CES5A: variants seen among roughly 807,000 people sequenced by gnomAD.
The protein encoded by CES5A is carboxylesterase 5A, also known as carboxylesterase 5.
Under a neutral mutation model 62.9 loss-of-function variants are expected in CES5A, and 67 were observed. That is an observed-to-expected ratio of 1.07 (90% CI 0.88 to 1.31). The LOEUF (loss-of-function observed/expected upper bound fraction) is 1.31. Among genes scored for constraint, CES5A ranks in the 50% most tolerant of loss-of-function variants. The pLI is 0.00. For missense variants in CES5A, 748 were observed against 708.5 expected, an observed-to-expected ratio of 1.06 and a Z score of -0.63; for synonymous variants, 296 against 280.8, an observed-to-expected ratio of 1.05 and a Z score of -0.54.
intron 10 of CES5A, among the ~76,000 whole-genome samples, chr16:55,850,663 T>C (rs1185881038): frequency 3.3e-5 from 5 of 152,242 alleles, no homozygotes; most frequent in African/African-American, 9.6e-5. Flanking sequence ...TTTTGACCTA[T>C]AATGAACAAG....
At chr16:55,881,922 A>G (rs907117454) in intron 1 of CES5A, among the ~76,000 whole-genome samples, 1 of 152,212 alleles carries the variant, frequency 6.6e-6, no homozygotes, top group Non-Finnish European at 1.5e-5. Context: ...GGGCAAAAAA[A>G]CCAGAGTGGC....
intron 2 of CES5A, among the ~76,000 whole-genome samples, chr16:55,949,150 A>G (rs894216758): frequency 9.9e-5 from 15 of 152,202 alleles, no homozygotes; most frequent in African/African-American, 3.4e-4. Context: ...CACAGGAAGC[A>G]GACCCTGAGA....
chr16:55,891,315 A>C (rs1027069681), intron 1 of CES5A, among the ~76,000 whole-genome samples: 1 of 152,334 alleles, frequency 6.6e-6, no homozygotes, highest in Admixed American at 6.5e-5. Flanking sequence ...CTTCTATAGA[A>C]ATAAATTGCC....
At chr16:55,901,003 C>G (rs1313107313) in intron 1 of CES5A, among the ~76,000 whole-genome samples, 2 of 152,144 alleles carry the variant, frequency 1.3e-5, no homozygotes, top group African/African-American at 4.8e-5. Flanking sequence ...CATACCTAGG[C>G]CAGGGGCCTC....
At chr16:55,953,173 A>C (rs1047808291) in intron 1 of CES5A, among the ~76,000 whole-genome samples, 1 of 152,248 alleles carries the variant, frequency 6.6e-6, no homozygotes, top group African/African-American at 2.4e-5. Context: ...ATTTCTGATT[A>C]AAACAACAAA....
rs556096429 is a variant in CES5A, at chr16:55,922,416, A to G, written c.-256+2907T>C. 5.3e-5 allele frequency among the ~76,000 whole-genome samples: 8 copies of G among 152,036 alleles called. No homozygotes were observed. In the South Asian group the frequency reaches 1.5e-3, roughly 28 times the overall value. On this transcript the variant is annotated intron_variant, in intron 1 of 12. Coordinates refer to the CES5A transcript ENST00000518005. ...GTTATACTTATATGAGAAAAAATAG[A>G]CTACAAATCAAAGGCTGTGAAAAGG...
intron 11 of CES5A, among the ~76,000 whole-genome samples, chr16:55,847,574 C>T (rs2033041670): frequency 6.6e-6 from 1 of 152,172 alleles, no homozygotes; most frequent in Admixed American, 6.5e-5. Context: ...CAAAGACAGG[C>T]TCTGCAGGTA....
intron 2 of CES5A, among the ~76,000 whole-genome samples, chr16:55,948,834 A>T (rs1271594085): frequency 2.6e-5 from 4 of 152,140 alleles, no homozygotes; most frequent in African/African-American, 9.7e-5. Context: ...GATGAATTAG[A>T]TTAATGTGGT....
Position 55,955,086 on chromosome 16 carries a change from T to C in CES5A, c.42+758A>G, listed in dbSNP as rs575963194. Among the ~76,000 whole-genome samples, 8 of 152,336 alleles carry C rather than the reference T, an allele frequency of 5.3e-5. No individual in the cohort carries two copies. In the South Asian group the frequency reaches 1.7e-3, roughly 32 times the overall value. ...GACATCCCTGATCCTCCTCTCTGAA[T>C]GACAGTTCTGGCTGCTGCTTCCCTG... On this transcript the variant is annotated intron_variant, in intron 1 of 13. Coordinates refer to the CES5A transcript ENST00000521992.
At chr16:55,908,371 G>A (rs1302824943) in intron 1 of CES5A, among the ~76,000 whole-genome samples, 3 of 151,416 alleles carry the variant, frequency 2.0e-5, no homozygotes, top group African/African-American at 7.3e-5. Context: ...TTGTTTGTTT[G>A]TTTTTGAGAT....
chr16:55,897,716 T>A (rs11861281), intron 1 of CES5A, among the ~76,000 whole-genome samples: 49,169 of 152,092 alleles, frequency 0.32, 8,704 homozygotes, highest in East Asian at 0.5. Context: ...ATACTGACAG[T>A]GGACACATGT....
At position 55,853,015 on chromosome 16, in the gene CES5A, T is replaced by C. The variant is rs868386266; in HGVS notation, c.1139A>G (p.Gln380Arg). The stretch of plus-strand genomic sequence containing the variant: ...TTCATTAGCCACAAGGTGCAAATAC[T>C]GAGGCGGGATGTGCTGTAAAAATAT... ...LIQNILHIPP[Q>R]YLHLVANEYF... Residue 380 changes from glutamine (Q) to arginine (R), a missense_variant, in exon 10 of 13, where the codon CAG (glutamine) becomes CGG (arginine). By Grantham distance (43) the Gln-to-Arg change is conservative (BLOSUM62 1). Coordinates refer to ENST00000290567, the MANE Select transcript of CES5A (RefSeq NM_001143685.2). 6.2e-7 allele frequency: 1 copy of C among 1,614,104 alleles called. No homozygotes were observed. Among genetic ancestry groups the C allele is most frequent in the Non-Finnish European group, 8.5e-7 (1 of 1,179,986 alleles).
At chr16:55,861,629 A>G (rs2033353496) in intron 6 of CES5A, 113 bp from the exon 7 acceptor site, 2 of 745,210 alleles carry the variant, frequency 2.7e-6, no homozygotes, top group East Asian at 5.3e-5. Context: ...ATATGAGTCC[A>G]TCCTGCTAAC....
chr16:55,949,914 G>T (rs1473832671), intron 1 of CES5A: 2 of 1,181,316 alleles, frequency 1.7e-6, no homozygotes, highest in East Asian at 2.6e-5. Flanking sequence ...TGGAAAAAAA[G>T]AAATAATAAT....
chr16:55,862,155 A>T (rs1157641768), intron 6 of CES5A, among the ~76,000 whole-genome samples: 1 of 152,190 alleles, frequency 6.6e-6, no homozygotes, highest in South Asian at 2.1e-4. Flanking sequence ...TATAAGCTCG[A>T]TGTTCCCCAC....
At chr16:55,886,477 A>G (rs1258064560) in intron 1 of CES5A, among the ~76,000 whole-genome samples, 1 of 152,218 alleles carries the variant, frequency 6.6e-6, no homozygotes, top group African/African-American at 2.4e-5. Context: ...AGTCATGTCA[A>G]CCAGCCTCCC....
chr16:55,883,436 T>C (rs1400250518), intron 1 of CES5A, among the ~76,000 whole-genome samples: 1 of 152,088 alleles, frequency 6.6e-6, no homozygotes, highest in East Asian at 1.9e-4. Context: ...CACACCCAGC[T>C]AATTTTTGTA....
intron 11 of CES5A, among the ~76,000 whole-genome samples, chr16:55,847,549 T>C (rs1418218289): frequency 6.6e-6 from 1 of 152,190 alleles, no homozygotes; most frequent in Non-Finnish European, 1.5e-5. Context: ...GTGACGAGCC[T>C]CAGAGGCACT....
At chr16:55,853,605 T>G (rs77962112) in intron 9 of CES5A, among the ~76,000 whole-genome samples, 177 of 152,266 alleles carry the variant, frequency 1.2e-3, no homozygotes, top group African/African-American at 4.1e-3. Context: ...TCTGTAGGGA[T>G]GTGGAGGATT....
Sources: gnomAD v4.1 joint callset for allele counts (sites outside exome capture counted in the v4.1 genomes callset) on GRCh38, gnomAD v4.1.1 for gene constraint, MANE v1.5 for transcripts, NCBI Gene and HGNC (gene_info 2026-07-23, HGNC 2026-07-21) for gene names.